SLC35F4: variants seen among roughly 807,000 people sequenced by gnomAD.
The protein encoded by SLC35F4 is solute carrier family 35 member F4.
Under a neutral mutation model 44.2 loss-of-function variants are expected in SLC35F4, and 24 were observed. The ratio of observed to expected loss-of-function variants is 0.54; its 90% CI spans 0.39 to 0.76. The LOEUF is 0.76. Ranked by LOEUF, SLC35F4 falls within the 30% of genes least tolerant of loss-of-function variation. SLC35F4 has a pLI of 0.00. For missense variants in SLC35F4, 562 were observed against 586.1 expected (o/e 0.96, Z 0.42); for synonymous variants, 238 against 223.6 (o/e 1.06, Z -0.57).
chr14:57,625,595 A>G (rs2072433692), intron 1 of SLC35F4, among the ~76,000 whole-genome samples: 1 of 152,202 alleles, frequency 6.6e-6, no homozygotes, highest in African/African-American at 2.4e-5. Flanking sequence ...ACTGGTACCA[A>G]AACAGACATA....
At chr14:57,758,944 T>C (rs2077059488) in intron 1 of SLC35F4, among the ~76,000 whole-genome samples, 2 of 152,318 alleles carry the variant, frequency 1.3e-5, no homozygotes, top group Non-Finnish European at 1.5e-5. Flanking sequence ...TTCTATGAGT[T>C]TGACTATTAT....
intron 1 of SLC35F4, among the ~76,000 whole-genome samples, chr14:57,934,792 C>A (rs756988043): frequency 2.0e-5 from 3 of 152,120 alleles, no homozygotes; most frequent in Admixed American, 2.0e-4. Flanking sequence ...AAACTGGGTG[C>A]AGAAAGTTTG....
intron 1 of SLC35F4, among the ~76,000 whole-genome samples, chr14:57,765,085 G>T (rs1416698489): frequency 6.6e-6 from 1 of 152,192 alleles, no homozygotes; most frequent in Non-Finnish European, 1.5e-5. Flanking sequence ...CCGAACTCAG[G>T]AAGTATATAA....
At chr14:57,817,272 G>GAT (rs1882704290) in intron 1 of SLC35F4, among the ~76,000 whole-genome samples, 2 of 152,116 alleles carry the variant, frequency 1.3e-5, no homozygotes, top group Admixed American at 1.3e-4. Flanking sequence ...CCAGTGCCCT[G>GAT]ATAAGAGTGG....
rs569799441 is a variant in SLC35F4, at chr14:57,912,036, T to C, written n.282+69877A>G. On this transcript the variant is annotated intron_variant and non_coding_transcript_variant, in intron 1 of 1. Transcript: ENST00000556568. ...TTGTGTCTTTCAAGGAATTAGTTCA[T>C]TTCATCTAGGTTGTCAAATAAAGTT... is the stretch of plus-strand genomic sequence containing the variant. Among the ~76,000 whole-genome samples, 12 of 152,152 alleles carry C rather than the reference T, an allele frequency of 7.9e-5. No homozygotes were observed. The East Asian group carries it at 2.3e-3, about 29-fold the overall frequency.
rs1889972217 is a variant in SLC35F4 at position 57,944,459 on chromosome 14, CCTCA to C, written n.282+37450_282+37453del. 2.6e-5 allele frequency among the ~76,000 whole-genome samples: 4 copies of C among 152,184 alleles called. No homozygotes were observed. The South Asian group carries it at 8.3e-4, about 32-fold the overall frequency. On this transcript the variant is annotated intron_variant and non_coding_transcript_variant, in intron 1 of 1. Transcript: ENST00000556568. ...AAAAGAGCATTTACCGCTTTCCCACCCTCACTGTTTACATTTCCCTCATCCCTCT... is the reference window on the plus strand; with the variant it reads ...AAAAGAGCATTTACCGCTTTCCCACCCTGTTTACATTTCCCTCATCCCTCT...
intron 1 of SLC35F4, among the ~76,000 whole-genome samples, chr14:57,617,255 C>T (rs1018984286): frequency 2.7e-5 from 4 of 150,634 alleles, no homozygotes; most frequent in Middle Eastern, 3.2e-3. Context: ...CTCAGCCTCC[C>T]GAGTAGCTGG....
chr14:57,631,645 G>T (rs1179215899), intron 1 of SLC35F4, among the ~76,000 whole-genome samples: 1 of 152,020 alleles, frequency 6.6e-6, no homozygotes, highest in Non-Finnish European at 1.5e-5. Flanking sequence ...AGGTGATTTT[G>T]TGGTACCAAG....
chr14:57,691,365 G>A (rs2075226905), intron 1 of SLC35F4, among the ~76,000 whole-genome samples: 1 of 152,080 alleles, frequency 6.6e-6, no homozygotes, highest in African/African-American at 2.4e-5. Context: ...TGCAACCAAG[G>A]ACAGAAGTTC....
chr14:57,961,941 TC>T (rs1200804228), intron 1 of SLC35F4, among the ~76,000 whole-genome samples: 1 of 152,186 alleles, frequency 6.6e-6, no homozygotes, highest in Admixed American at 6.5e-5. Context: ...TGCCTCCCTC[TC>T]CTCCTGAGAG....
At chr14:57,618,967 G>A (rs922418731) in intron 1 of SLC35F4, among the ~76,000 whole-genome samples, 2 of 152,200 alleles carry the variant, frequency 1.3e-5, no homozygotes, top group Non-Finnish European at 2.9e-5. Flanking sequence ...CAGCAAGGCT[G>A]CTGGGGCCAC....
intron 1 of SLC35F4, among the ~76,000 whole-genome samples, chr14:57,905,241 T>G (rs1333071386): frequency 6.6e-6 from 1 of 152,220 alleles, no homozygotes; most frequent in Non-Finnish European, 1.5e-5. Context: ...TCTCTCCATG[T>G]GAGCCTCTCC....
At chr14:57,624,832 A>AC (rs1477761435) in intron 1 of SLC35F4, among the ~76,000 whole-genome samples, 1 of 152,142 alleles carries the variant, frequency 6.6e-6, no homozygotes, top group Non-Finnish European at 1.5e-5. Flanking sequence ...TTTATGACAA[A>AC]CCCACAGCCA....
At chr14:57,914,249 G>C (rs1408097929) in intron 1 of SLC35F4, among the ~76,000 whole-genome samples, 1 of 152,080 alleles carries the variant, frequency 6.6e-6, no homozygotes, top group Non-Finnish European at 1.5e-5. Flanking sequence ...CAGAAAAGGG[G>C]GCCAAACTTG....
chr14:57,740,687 T>C (rs779457565), intron 1 of SLC35F4, among the ~76,000 whole-genome samples: 1 of 152,214 alleles, frequency 6.6e-6, no homozygotes, highest in Non-Finnish European at 1.5e-5. Flanking sequence ...CAAATACTTA[T>C]GGTGATGGCT....
At chr14:57,927,416 C>A (rs1889599408) in intron 1 of SLC35F4, among the ~76,000 whole-genome samples, 1 of 151,534 alleles carries the variant, frequency 6.6e-6, no homozygotes, top group Admixed American at 6.6e-5. Context: ...GACTGGTTAC[C>A]TTTGTCTGGA....
chr14:57,880,911 A>G (rs1302375486), intron 1 of SLC35F4, among the ~76,000 whole-genome samples: 1 of 152,242 alleles, frequency 6.6e-6, no homozygotes, highest in African/African-American at 2.4e-5. Context: ...ATTCGTTCAT[A>G]AAGGGAGACA....
intron 7 of SLC35F4, 132 bp downstream of exon 7, chr14:57,566,343 A>T: frequency 1.3e-6 from 1 of 782,004 alleles, no homozygotes; most frequent in Non-Finnish European, 2.0e-6. Context: ...CACCTTCATG[A>T]TATTTAAAAA....
At chr14:57,612,631 T>C (rs1318248668) in intron 1 of SLC35F4, among the ~76,000 whole-genome samples, 2 of 152,262 alleles carry the variant, frequency 1.3e-5, no homozygotes, top group Non-Finnish European at 2.9e-5. Flanking sequence ...GTATTGGCAC[T>C]TAGTGGCTTT....
Sources: gnomAD v4.1 joint callset for allele counts (sites outside exome capture counted in the v4.1 genomes callset) on GRCh38, gnomAD v4.1.1 for gene constraint, MANE v1.5 for transcripts, NCBI Gene and HGNC (gene_info 2026-07-23, HGNC 2026-07-21) for gene names.